FRY: variants seen among roughly 807,000 people sequenced by gnomAD.
FRY encodes the protein protein furry homolog.
In FRY, 128 loss-of-function variants were observed where a neutral mutation model predicts 348.4. The ratio of observed to expected loss-of-function variants is 0.37; its 90% CI spans 0.32 to 0.43. FRY has a LOEUF of 0.43. Among genes scored for constraint, FRY ranks in the 20% least tolerant of loss-of-function variants. FRY has a pLI of 1.00. For missense variants in FRY, 2,736 were observed against 3,695.2 expected (o/e 0.74, Z 6.73); for synonymous variants, 1,370 against 1,374.7 (o/e 1.00, Z 0.08).
chr13:32,201,810 C>A, intron 29 of FRY, 131 bp from the exon 30 acceptor site: 1 of 676,134 alleles, frequency 1.5e-6, no homozygotes, highest in Non-Finnish European at 2.7e-6. Context: ...CAAAAAATGG[C>A]CAGACGGGGG....
intron 42 of FRY, 81 bp downstream of exon 42, chr13:32,234,842 T>A: frequency 8.8e-7 from 1 of 1,134,714 alleles, no homozygotes; most frequent in Non-Finnish European, 1.3e-6. Flanking sequence ...TGAGCCTTTC[T>A]TCTGTCAACA....
chr13:32,060,904 T>C, intron 1 of FRY: 1 of 356,506 alleles, frequency 2.8e-6, no homozygotes, highest in South Asian at 2.2e-5. Flanking sequence ...CCTGTTTTAG[T>C]TTGTCTTCTA....
Position 32,095,337 on chromosome 13 carries a change from C to CTTTTTTT in FRY, c.271-6604_271-6598dup, listed in dbSNP as rs61006034. On this transcript the variant is annotated intron_variant, in intron 2 of 60. Coordinates refer to ENST00000542859, the MANE Select transcript of FRY (RefSeq NM_023037.3). ...GATTGTTTCCTTTGCTGTATGGAAG[C>CTTTTTTT]TTTTTTTTTTTTTTTTTTTTTTTTT... is the stretch of plus-strand genomic sequence containing the variant. Among the ~76,000 whole-genome samples the CTTTTTTT allele has an allele frequency of 2.4e-4, 14 of 58,344 alleles. 3 individuals are homozygous for CTTTTTTT. Among genetic ancestry groups the CTTTTTTT allele is most frequent in the Non-Finnish European group, 3.8e-4 (13 of 34,070 alleles). 38.3% of individuals were successfully genotyped at this position (58,344 alleles called of 152,430 possible). A position where few individuals can be genotyped will look rare whatever the true frequency, so the allele number is the denominator to read the frequency against.
chr13:32,274,435 C>T (rs186781238), intron 55 of FRY, among the ~76,000 whole-genome samples: 8 of 152,204 alleles, frequency 5.3e-5, no homozygotes, highest in African/African-American at 9.6e-5. Context: ...GGGCCAGACG[C>T]AGTGGCTCAC....
At chr13:32,143,193 T>C (rs1880190755) in intron 11 of FRY, among the ~76,000 whole-genome samples, 2 of 152,182 alleles carry the variant, frequency 1.3e-5, no homozygotes, top group South Asian at 4.1e-4. Flanking sequence ...TAGAAGCCTC[T>C]TAAGGACTTT....
intron 2 of FRY, among the ~76,000 whole-genome samples, chr13:32,082,026 G>A (rs1023664896): frequency 1.3e-5 from 2 of 152,066 alleles, no homozygotes; most frequent in African/African-American, 2.4e-5. Context: ...GGATGGCAAA[G>A]GTAATTTTCA....
At position 32,124,359 on chromosome 13, in the gene FRY, A is replaced by G; in HGVS notation, c.538A>G (p.Ile180Val). Residue 180 changes from isoleucine to valine, a missense_variant, in exon 5 of 61, where the codon ATA (isoleucine) becomes GTA (valine). Physicochemically the swap from Ile to Val is conservative, Grantham distance 29. This residue lies in a region of FRY where 309 missense variants were observed against 418.1 expected (regional missense o/e 0.74). Coordinates refer to ENST00000542859, the MANE Select transcript of FRY (RefSeq NM_023037.3). The part of the protein sequence containing the change: ...AIDFIFSLVL[I>V]EVLKQIPLHP... ...TGATTTTATTTTTTCTTTAGTATTA[A>G]TAGAAGTTTTGAAACAGGTAGGTGA... 6.4e-7 allele frequency: 1 copy of G among 1,559,444 alleles called. No individual in the cohort carries two copies. The highest frequency in any genetic ancestry group is 8.8e-7 in the Non-Finnish European group (1 of 1,130,962).
chr13:32,079,665 G>A (rs1018349464), intron 2 of FRY, among the ~76,000 whole-genome samples: 3 of 152,174 alleles, frequency 2.0e-5, no homozygotes, highest in African/African-American at 7.2e-5. Context: ...AGGCAGGCAT[G>A]AGTCTGCCTT....
At position 32,210,856 on chromosome 13, in the gene FRY, T is replaced by A. The variant is rs1384418406; in HGVS notation, c.4423-10T>A. 5.6e-6 allele frequency: 9 copies of A among 1,612,960 alleles called. No individual in the cohort carries two copies. The Admixed American group carries it at 1.5e-4, about 27-fold the overall frequency. ...GTGAAACATCCCTTGTTTTCTTTTT[T>A]CCTTCTCAGATTAAAAAAGTGGCAA... is the stretch of plus-strand genomic sequence containing the variant. On this transcript the variant is annotated splice_polypyrimidine_tract_variant and intron_variant, in intron 33 of 60. Transcript: ENST00000542859.
At position 32,231,378 on chromosome 13, in the gene FRY, C is replaced by T. The variant is rs148689634; in HGVS notation, c.5527+78C>T. On this transcript the variant is annotated intron_variant, in intron 41 of 60. Coordinates refer to ENST00000542859, the MANE Select transcript of FRY (RefSeq NM_023037.3). Reference sequence around the variant, plus strand: ...CACTGTCTCTATATGATGATTACAGCGCCTTAAAACGGTCCTGCACTCCAC... The same window carrying T: ...CACTGTCTCTATATGATGATTACAGTGCCTTAAAACGGTCCTGCACTCCAC... 1,021 of 1,440,450 alleles carry T rather than the reference C, an allele frequency of 7.1e-4. 5 individuals carry two copies. In the African/African-American group the frequency reaches 0.012, roughly 17 times the overall value. The allele number at this position is 1,440,450 out of a possible 1,614,324, so 89.2% of individuals were successfully genotyped here.
At chr13:32,085,153 C>T (rs1875774057) in intron 2 of FRY, among the ~76,000 whole-genome samples, 2 of 152,200 alleles carry the variant, frequency 1.3e-5, no homozygotes, top group Non-Finnish European at 2.9e-5. Context: ...CATTGATTCT[C>T]AGCCTCCTAC....
intron 1 of FRY, among the ~76,000 whole-genome samples, chr13:32,032,440 G>A (rs1872288185): frequency 6.6e-6 from 1 of 152,182 alleles, no homozygotes; most frequent in Non-Finnish European, 1.5e-5. Flanking sequence ...TGTGGATGAT[G>A]TTCTGAATGC....
At position 32,237,433 on chromosome 13, in the gene FRY, C is replaced by T. The variant is rs1269483149; in HGVS notation, c.5865C>T (p.Ser1955=). 6.2e-7 allele frequency: 1 copy of T among 1,613,914 alleles called. No homozygotes were observed. Among genetic ancestry groups the T allele is most frequent in the Non-Finnish European group, 8.5e-7 (1 of 1,179,966 alleles). Residue 1955 remains serine (S), a synonymous_variant, in exon 44 of 61, where the codon AGC becomes AGT. Transcript: ENST00000542859. This position sits in a 1 kb window ranked among gnomAD's most constrained non-coding sequence, Gnocchi z 6.3. ...SSSKLTASRK[S]TGQLNMNPGT... is the part of the protein sequence containing the mutation. ...GTAAACTAACAGCAAGCAGAAAGAG[C>T]ACAGGACAACTAAACATGAACCCGG...
chr13:32,234,580 A>G lies in FRY; in HGVS notation c.5534A>G (p.His1845Arg), dbSNP rs201645672. The stretch of plus-strand genomic sequence containing the variant: ...GTGGCTCTTGTTACCCTAGGCTTCC[A>G]TCTGGAGCACCAGTTGAGTGAAGTT... ...SVFKDSKSGF[H>R]LEHQLSEVAL... Residue 1845 changes from histidine to arginine, a missense_variant, in exon 42 of 61, where the codon CAT (histidine) becomes CGT (arginine). By Grantham distance (29) the His-to-Arg change is conservative. Around this residue, in one of 9 missense-constraint regions of FRY, gnomAD observed 794 missense variants for 977.0 expected, o/e 0.81. Transcript: ENST00000542859. 4 of 1,613,960 alleles carry G rather than the reference A, an allele frequency of 2.5e-6. No individual in the cohort carries two copies. The highest frequency in any genetic ancestry group is 2.7e-5 in the African/African-American group (2 of 75,052).
At position 32,173,565 on chromosome 13, in the gene FRY, C is replaced by T. The variant is rs1280804854; in HGVS notation, c.2334+16C>T. ...GCAGCCTGAGGTATGGATTAGTCTTCTGAATTTTTCCATTTCTTACTTTCA... is the reference window on the plus strand; with the variant it reads ...GCAGCCTGAGGTATGGATTAGTCTTTTGAATTTTTCCATTTCTTACTTTCA... On this transcript the variant is annotated intron_variant, in intron 19 of 60. Coordinates refer to ENST00000542859, the MANE Select transcript of FRY (RefSeq NM_023037.3). 2 of 1,593,604 alleles carry T rather than the reference C, an allele frequency of 1.3e-6. No individual in the cohort carries two copies. The highest frequency in any genetic ancestry group is 4.5e-5 in the East Asian group (2 of 44,808).
rs1445320634 is a variant in FRY, at chr13:32,254,241, T to C, written c.7263T>C (p.Cys2421=). 2 of 1,614,060 alleles carry C rather than the reference T, an allele frequency of 1.2e-6. No individual in the cohort carries two copies. Among genetic ancestry groups the C allele is most frequent in the Admixed American group, 3.3e-5 (2 of 60,014 alleles). Reference sequence around the variant, plus strand: ...ATTCGCAGGTGATTTTTTCATCGTGTGGGGATCTGGATCTGCTTGAGCACC... The same window carrying C: ...ATTCGCAGGTGATTTTTTCATCGTGCGGGGATCTGGATCTGCTTGAGCACC... The part of the protein sequence containing the change: ...SKNPSVIFSS[C]GDLDLLEHQT... The change falls in exon 51 of 61, where the codon TGT becomes TGC. Residue 2421 remains cysteine, a synonymous_variant. Coordinates refer to ENST00000542859, the MANE Select transcript of FRY (RefSeq NM_023037.3).
rs143766686 is a variant in FRY, at chr13:32,270,271, G to A, written c.8136+2912G>A. Among the ~76,000 whole-genome samples the A allele has an allele frequency of 2.3e-3, 347 of 150,080 alleles. 1 individual carries two copies. The highest frequency in any genetic ancestry group is 8.0e-3 in the African/African-American group (324 of 40,736). On this transcript the variant is annotated intron_variant, in intron 55 of 60. Coordinates refer to ENST00000542859, the MANE Select transcript of FRY (RefSeq NM_023037.3). ...TGCCCAGGCTAGAGTGTAATGGCAC[G>A]ATCTCAGCTCACTGCAACTTCCACC...
chr13:32,034,017 T>G (rs1213276848), intron 1 of FRY, among the ~76,000 whole-genome samples: 1 of 152,218 alleles, frequency 6.6e-6, no homozygotes, highest in Non-Finnish European at 1.5e-5. Flanking sequence ...GCTGAGAGGA[T>G]GCACCATGAG....
At chr13:32,270,898 A>C (rs1888169439) in intron 55 of FRY, among the ~76,000 whole-genome samples, 1 of 152,250 alleles carries the variant, frequency 6.6e-6, no homozygotes, top group Admixed American at 6.5e-5. Context: ...CTAGGTGCTC[A>C]GTAAATGTAG....
Sources: gnomAD v4.1 joint callset for allele counts (sites outside exome capture counted in the v4.1 genomes callset) on GRCh38, gnomAD v4.1.1 for gene constraint, gnomAD v4.1.1 regional missense constraint, Gnocchi (gnomAD v3.1) non-coding constraint, MANE v1.5 for transcripts, NCBI Gene and HGNC (gene_info 2026-07-23, HGNC 2026-07-21) for gene names.